The following MTHFD1L variants were observed in gnomAD, a reference collection of about 807,000 sequenced individuals.
MTHFD1L encodes the protein methylenetetrahydrofolate dehydrogenase (NADP+ dependent) 1 like.
Under a neutral mutation model 119.5 loss-of-function variants are expected in MTHFD1L, and 81 were observed. That is an observed-to-expected ratio of 0.68 (90% confidence interval 0.57 to 0.82). MTHFD1L has a LOEUF of 0.82. MTHFD1L is among the 40% of genes least tolerant of loss of function. MTHFD1L has a pLI of 0.00. For synonymous variants in MTHFD1L, 430 were observed against 475.2 expected (o/e 0.90, Z 1.24); for missense variants, 1,125 against 1,253.4 (o/e 0.90, Z 1.55).
intron 26 of MTHFD1L, among the ~76,000 whole-genome samples, chr6:151,042,397 T>C (rs369325592): frequency 6.6e-5 from 10 of 152,330 alleles, no homozygotes; most frequent in African/African-American, 2.4e-4. Flanking sequence ...CTAATACAAA[T>C]CTTTGATATG....
At chr6:151,021,680 C>T (rs1783964018) in intron 24 of MTHFD1L, among the ~76,000 whole-genome samples, 3 of 152,190 alleles carry the variant, frequency 2.0e-5, no homozygotes, top group Admixed American at 2.0e-4. Flanking sequence ...CTTTGTCAAA[C>T]TCCAAGATTG....
rs114854598 is a variant in MTHFD1L at position 150,944,030 on chromosome 6, G to A, written c.1441-456G>A. ...GAATGTTTTGCCTTAACCTGAGGAT[G>A]GAAGAATTTATGATCTGAGTAATTG... is the stretch of plus-strand genomic sequence containing the variant. On this transcript the variant is annotated intron_variant, in intron 13 of 27. Coordinates refer to ENST00000367321, the MANE Select transcript of MTHFD1L (RefSeq NM_015440.5). Among the ~76,000 whole-genome samples the A allele has an allele frequency of 8.7e-3, 1,329 of 152,310 alleles. 15 individuals carry two copies. The highest frequency in any genetic ancestry group is 0.03 in the African/African-American group (1,239 of 41,580).
At chr6:150,891,897 C>T (rs1783349017) in intron 7 of MTHFD1L, among the ~76,000 whole-genome samples, 1 of 152,166 alleles carries the variant, frequency 6.6e-6, no homozygotes, top group African/African-American at 2.4e-5. Flanking sequence ...AATACATGTT[C>T]CTCATGTTGC....
In MTHFD1L at chr6:151,009,965, G is replaced by T; in HGVS notation, c.2265+7G>T. ...GCATGGAGGCGGGCCAAGTGTAAGT[G>T]CCCACACCGCCTTCCTAATACCAAA... On this transcript the variant is annotated splice_region_variant and intron_variant, in intron 21 of 27. Coordinates refer to ENST00000367321, the MANE Select transcript of MTHFD1L (RefSeq NM_015440.5). 1.3e-6 allele frequency: 2 copies of T among 1,588,616 alleles called. No homozygotes were observed. Among genetic ancestry groups the T allele is most frequent in the Non-Finnish European group, 1.7e-6 (2 of 1,171,274 alleles).
intron 7 of MTHFD1L, among the ~76,000 whole-genome samples, chr6:150,904,590 A>G (rs796099608): frequency 1.4e-4 from 22 of 152,276 alleles, no homozygotes; most frequent in African/African-American, 4.8e-4. Flanking sequence ...CTCTTCTGCA[A>G]GTCTAATATT....
chr6:151,099,982 C>A, intron 27 of MTHFD1L: 1 of 792,464 alleles, frequency 1.3e-6, no homozygotes. Context: ...AAACAGCCAT[C>A]TGGCATCTTC....
intron 20 of MTHFD1L, among the ~76,000 whole-genome samples, chr6:150,974,178 C>T (rs944180963): frequency 2.6e-5 from 4 of 152,170 alleles, no homozygotes; most frequent in African/African-American, 9.7e-5. Flanking sequence ...TCCTTGGTTT[C>T]CCTACCTGTA....
intron 25 of MTHFD1L, 87 bp from the exon 26 acceptor site, chr6:151,036,878 G>C: frequency 7.0e-7 from 1 of 1,430,500 alleles, no homozygotes; most frequent in Non-Finnish European, 9.8e-7. Context: ...GCATACCATT[G>C]CTGCCGAGAC....
chr6:150,974,424 T>C (rs1346346393), intron 20 of MTHFD1L, among the ~76,000 whole-genome samples: 1 of 152,220 alleles, frequency 6.6e-6, no homozygotes, highest in African/African-American at 2.4e-5. Flanking sequence ...ATAGTTGTTA[T>C]AAAATACACG....
At chr6:150,866,669 G>T (rs1244718869) in intron 1 of MTHFD1L, 5 of 1,181,778 alleles carry the variant, frequency 4.2e-6, no homozygotes, top group Admixed American at 4.6e-5. Flanking sequence ...CCGCCGGGGG[G>T]AATCCGAGAG....
chr6:151,040,685 G>C (rs1339002023), intron 26 of MTHFD1L, among the ~76,000 whole-genome samples: 1 of 152,178 alleles, frequency 6.6e-6, no homozygotes, highest in African/African-American at 2.4e-5. Context: ...CAGCCTGGGA[G>C]ATAGAGTGAG....
chr6:150,945,415 G>A, intron 14 of MTHFD1L, 52 bp from the exon 15 acceptor site: 2 of 1,470,048 alleles, frequency 1.4e-6, no homozygotes, highest in Non-Finnish European at 1.9e-6. Flanking sequence ...AATTGTCCAA[G>A]TTCATGGACA....
chr6:151,063,774 TG>T (rs1562617906), intron 26 of MTHFD1L, among the ~76,000 whole-genome samples: 1 of 152,094 alleles, frequency 6.6e-6, no homozygotes, highest in Non-Finnish European at 1.5e-5. Context: ...AACATCCAAA[TG>T]TCAAGAATGG....
At chr6:151,008,181 A>G (rs918252071) in intron 20 of MTHFD1L, among the ~76,000 whole-genome samples, 1 of 152,242 alleles carries the variant, frequency 6.6e-6, no homozygotes, top group East Asian at 1.9e-4. Context: ...CAATTTTGTA[A>G]ATCTTGCTAC....
intron 18 of MTHFD1L, among the ~76,000 whole-genome samples, chr6:150,964,312 G>A (rs1447631122): frequency 1.3e-5 from 2 of 152,184 alleles, no homozygotes; most frequent in Non-Finnish European, 2.9e-5. Context: ...AACAGAGAAA[G>A]AGGACTTAGA....
chr6:150,876,221 A>G (rs1256119105), intron 2 of MTHFD1L, 47 bp downstream of exon 2: 38 of 1,383,676 alleles, frequency 2.7e-5, no homozygotes, highest in Non-Finnish European at 3.7e-5. Context: ...GATGCCTTTC[A>G]ATTTAGAAAA....
intron 20 of MTHFD1L, among the ~76,000 whole-genome samples, chr6:150,995,752 C>T (rs924531835): frequency 3.6e-4 from 55 of 152,022 alleles, no homozygotes; most frequent in Admixed American, 5.9e-4. Context: ...CCGCAACCTC[C>T]GCCTCCCAGG....
intron 26 of MTHFD1L, among the ~76,000 whole-genome samples, chr6:151,059,938 C>G (rs751727944): frequency 6.6e-6 from 1 of 152,048 alleles, no homozygotes; most frequent in Non-Finnish European, 1.5e-5. Flanking sequence ...TAATGTAGGG[C>G]GGGTACAAGA....
chr6:150,955,804 G>T (rs1182739579), intron 16 of MTHFD1L, among the ~76,000 whole-genome samples, 191 bp from the exon 17 acceptor site: 2 of 152,030 alleles, frequency 1.3e-5, no homozygotes, highest in Non-Finnish European at 2.9e-5. Flanking sequence ...TTGGCCTCTA[G>T]TGGATTTTTT....
Sources: gnomAD v4.1 joint callset for allele counts (sites outside exome capture counted in the v4.1 genomes callset) on GRCh38, gnomAD v4.1.1 for gene constraint, MANE v1.5 for transcripts, NCBI Gene and HGNC (gene_info 2026-07-23, HGNC 2026-07-21) for gene names.